DPP6: variants seen among roughly 807,000 people sequenced by gnomAD.
DPP6 encodes the protein dipeptidyl peptidase like 6.
In DPP6, 69 loss-of-function variants were observed where a neutral mutation model predicts 122.6. The observed-to-expected ratio is 0.56, with a 90% CI of 0.46 to 0.69. The LOEUF (loss-of-function observed/expected upper bound fraction) is 0.69, where lower values mean the gene tolerates loss of function less well. Among genes scored for constraint, DPP6 ranks in the 30% least tolerant of loss-of-function variants. DPP6 has a pLI of 0.00. For missense variants in DPP6, 928 were observed against 1,116.9 expected (o/e 0.83, Z 2.41); for synonymous variants, 418 against 433.1 (o/e 0.97, Z 0.43).
At chr7:153,867,323 C>T in the DPP6 span, among the ~76,000 whole-genome samples, 1 of 152,144 alleles carries the variant, frequency 6.6e-6, no homozygotes, top group Non-Finnish European at 1.5e-5. Flanking sequence ...TCTTTTATTT[C>T]ATTGAGTAGT....
At chr7:154,165,016 T>C (rs533043045) in intron 1 of DPP6, among the ~76,000 whole-genome samples, 2 of 150,044 alleles carry the variant, frequency 1.3e-5, no homozygotes, top group East Asian at 3.9e-4. Flanking sequence ...TTTTTTTTCT[T>C]TTATTATACT....
intron 7 of DPP6, among the ~76,000 whole-genome samples, chr7:154,686,230 C>T (rs548848805): frequency 1.1e-4 from 17 of 152,246 alleles, no homozygotes; most frequent in African/African-American, 3.9e-4. Flanking sequence ...CTGAAGAAGT[C>T]GTGTCCCAGC....
At chr7:154,527,261 C>T (rs1827480264) in intron 3 of DPP6, among the ~76,000 whole-genome samples, 1 of 152,132 alleles carries the variant, frequency 6.6e-6, no homozygotes, top group Non-Finnish European at 1.5e-5. Context: ...GTGGGAGCCT[C>T]TCCAAGATGG....
chr7:154,690,903 G>A (rs576104895), intron 7 of DPP6, among the ~76,000 whole-genome samples: 7 of 152,296 alleles, frequency 4.6e-5, no homozygotes, highest in South Asian at 2.1e-4. Flanking sequence ...AGGACCACCC[G>A]CTGTTAAGTG....
At chr7:154,713,410 G>A (rs1051821878) in intron 7 of DPP6, among the ~76,000 whole-genome samples, 1 of 152,220 alleles carries the variant, frequency 6.6e-6, no homozygotes, top group Admixed American at 6.5e-5. Flanking sequence ...TTTCCCTTCT[G>A]CACTGCCCTA....
At chr7:154,466,086 T>C (rs1234967977) in intron 2 of DPP6, among the ~76,000 whole-genome samples, 3 of 152,024 alleles carry the variant, frequency 2.0e-5, no homozygotes, top group Non-Finnish European at 4.4e-5. Flanking sequence ...ACTATCATTC[T>C]CAGCAAACTA....
chr7:154,591,473 A>G (rs1832805825), intron 5 of DPP6, among the ~76,000 whole-genome samples: 1 of 152,166 alleles, frequency 6.6e-6, no homozygotes, highest in African/African-American at 2.4e-5. Flanking sequence ...GCCAGGGATA[A>G]TTATGGTAGT....
At chr7:154,117,321 T>C (rs1164572497) in intron 1 of DPP6, among the ~76,000 whole-genome samples, 1 of 152,228 alleles carries the variant, frequency 6.6e-6, no homozygotes, top group Non-Finnish European at 1.5e-5. Context: ...TATGATTTTA[T>C]ATCGTTTTAA....
chr7:154,433,135 A>ATTTTTTTTTTTT (rs1349065971), intron 1 of DPP6, among the ~76,000 whole-genome samples: 1 of 97,820 alleles, frequency 1.0e-5, no homozygotes, highest in African/African-American at 5.0e-5. Context: ...CTAGACTGCA[A>ATTTTTTTTTTTT]GTTTTTTTTT....
chr7:154,014,291 T>C (rs192140645), intron 1 of DPP6, among the ~76,000 whole-genome samples: 2 of 143,088 alleles, frequency 1.4e-5, no homozygotes, highest in African/African-American at 5.4e-5. Flanking sequence ...ATAGAAACTT[T>C]CAAATTTATA....
At chr7:154,349,687 C>T (rs975488366) in intron 1 of DPP6, among the ~76,000 whole-genome samples, 7 of 152,062 alleles carry the variant, frequency 4.6e-5, no homozygotes, top group African/African-American at 7.2e-5. Flanking sequence ...GTAATATGTT[C>T]GCCTGTGTGA....
chr7:154,022,764 C>G (rs1172623445), intron 1 of DPP6, among the ~76,000 whole-genome samples: 1 of 152,144 alleles, frequency 6.6e-6, no homozygotes, highest in Non-Finnish European at 1.5e-5. Flanking sequence ...AGGAACTCAC[C>G]AGCAGAGGTG....
At chr7:154,801,574 G>A (rs1025382572) in intron 13 of DPP6, 112 bp downstream of exon 13, 240 of 1,414,256 alleles carry the variant, frequency 1.7e-4, no homozygotes, top group Non-Finnish European at 2.0e-4. Context: ...CAAGGAATCT[G>A]AAGGTGGTTC....
chr7:154,505,619 C>T (rs879754740), intron 3 of DPP6, among the ~76,000 whole-genome samples: 1 of 152,092 alleles, frequency 6.6e-6, no homozygotes, highest in Admixed American at 6.6e-5. Context: ...TCTTCAATTG[C>T]ATCATTTCTG....
intron 1 of DPP6, among the ~76,000 whole-genome samples, chr7:154,061,781 G>A (rs1166308150): frequency 1.3e-4 from 18 of 138,974 alleles, no homozygotes; most frequent in African/African-American, 4.6e-4. Flanking sequence ...TCGCAGGGAG[G>A]GAGGCACCCC....
intron 1 of DPP6, among the ~76,000 whole-genome samples, chr7:153,918,565 AGTCTCTCTCTCTCTCTCTCTCT>A (rs1399411537): frequency 0.023 from 1,344 of 57,586 alleles, 11 homozygotes; most frequent in Middle Eastern, 0.043. Context: ...ACACACACAC[AGTCTCTCTCTCTCTCTCTCTCT>A]CTCTCTCTCT....
intron 16 of DPP6, among the ~76,000 whole-genome samples, chr7:154,839,519 C>T (rs986888290): frequency 6.6e-6 from 1 of 152,096 alleles, no homozygotes; most frequent in African/African-American, 2.4e-5. Context: ...CCTGGGGCTA[C>T]GTTAAGGAAT....
chr7:154,726,502 G>T (rs1029909889), intron 7 of DPP6, among the ~76,000 whole-genome samples: 1 of 152,236 alleles, frequency 6.6e-6, no homozygotes, highest in Non-Finnish European at 1.5e-5. Context: ...CATGGCTGGA[G>T]CTGGTGTGGG....
intron 9 of DPP6, among the ~76,000 whole-genome samples, chr7:154,770,755 G>A (rs968100046): frequency 3.3e-5 from 5 of 152,186 alleles, no homozygotes; most frequent in African/African-American, 1.2e-4. Flanking sequence ...GGGAATATTG[G>A]GGGGAACAGG....
Sources: allele counts gnomAD v4.1 joint callset (sites outside exome capture counted in the v4.1 genomes callset), GRCh38; gene constraint gnomAD v4.1.1; transcripts MANE v1.5; gene names NCBI Gene and HGNC (gene_info 2026-07-23, HGNC 2026-07-21).